The following ROCK2 variants were observed in gnomAD, a reference collection of about 807,000 sequenced individuals.
The protein encoded by ROCK2 is Rho associated coiled-coil containing protein kinase 2.
A neutral mutation model predicts 195.1 loss-of-function variants in ROCK2; 61 were observed. The observed-to-expected ratio is 0.31, with a 90% CI of 0.25 to 0.39. The LOEUF (loss-of-function observed/expected upper bound fraction) is 0.39, where lower values mean the gene tolerates loss of function less well. Ranked by LOEUF, ROCK2 falls within the 10% of genes least tolerant of loss-of-function variation. ROCK2 has a pLI of 1.00. For missense variants in ROCK2, 1,109 were observed against 1,637.4 expected, an observed-to-expected ratio of 0.68 and a Z score of 5.57; for synonymous variants, 504 against 545.5, an observed-to-expected ratio of 0.92 and a Z score of 1.06.
At chr2:11,330,772 AG>A (rs1668704059) in intron 1 of ROCK2, among the ~76,000 whole-genome samples, 2 of 52,106 alleles carry the variant, frequency 3.8e-5, no homozygotes, top group African/African-American at 7.3e-5. Context: ...GAGGAGGAGG[AG>A]GGAGGGAAGA....
chr2:11,333,973 C>A (rs1218660348), intron 1 of ROCK2, among the ~76,000 whole-genome samples: 2 of 152,126 alleles, frequency 1.3e-5, no homozygotes, highest in Non-Finnish European at 2.9e-5. Context: ...TAATTCTTTC[C>A]AAGACAAACT....
rs577559244 is a variant in ROCK2, at chr2:11,339,684, AAAG to A, written c.141+4309_141+4311del. On this transcript the variant is annotated intron_variant, in intron 1 of 32. Coordinates refer to ENST00000315872, the MANE Select transcript of ROCK2 (RefSeq NM_004850.5). ...TTTTCAGTAAATAAAGCAAGTCATA[AAAG>A]AATACATAAAAATGCTGACATTTTA... Among the ~76,000 whole-genome samples, 225 of 152,334 alleles carry A rather than the reference AAAG, an allele frequency of 1.5e-3. 1 individual carries two copies. Among genetic ancestry groups the A allele is most frequent in the Non-Finnish European group, 2.9e-3 (195 of 68,032 alleles).
intron 3 of ROCK2, among the ~76,000 whole-genome samples, chr2:11,273,949 C>T (rs1009589421): frequency 4.1e-5 from 6 of 146,470 alleles, no homozygotes; most frequent in Admixed American, 6.9e-5. Context: ...AAAAAGACTT[C>T]GATAAAATAA....
In ROCK2 at chr2:11,192,439, T is replaced by G; in HGVS notation, c.3949+12A>C. On this transcript the variant is annotated intron_variant, in intron 31 of 32. Transcript: ENST00000315872. This position sits in a 1 kb window ranked among gnomAD's most constrained non-coding sequence, Gnocchi z 5.0. The stretch of plus-strand genomic sequence containing the variant: ...TAACCAATATCGATGGAGCAAGTAA[T>G]TTATCATTTACCTTTGCAAGGTGCT... 1 of 1,612,560 alleles carries G rather than the reference T, an allele frequency of 6.2e-7. No homozygotes were observed. The highest frequency in any genetic ancestry group is 8.5e-7 in the Non-Finnish European group (1 of 1,179,110).
In ROCK2 at chr2:11,194,317, G is replaced by T. The variant is rs1490933675; in HGVS notation, c.3547C>A (p.Leu1183Ile). The change falls in exon 29 of 33, where the codon CTT becomes ATT. Residue 1183 changes from leucine to isoleucine, a missense_variant. Physicochemically the swap from Leu to Ile is conservative, Grantham distance 5. Transcript: ENST00000315872. Reference sequence around the variant, plus strand: ...TTATCTTGTTCACTGTCATAGAAAAGAATCTTCTTACTGCTTACAATCACA... The same window carrying T: ...TTATCTTGTTCACTGTCATAGAAAATAATCTTCTTACTGCTTACAATCACA... ...KYVIVSSKKI[L>I]FYDSEQDKEQ... 2.1e-6 allele frequency: 3 copies of T among 1,462,296 alleles called. No individual in the cohort carries two copies. The African/African-American group carries it at 4.2e-5, about 21-fold the overall frequency. The allele number at this position is 1,462,296 out of a possible 1,614,324, so 90.6% of individuals were successfully genotyped here. A position where few individuals can be genotyped will look rare whatever the true frequency, so the allele number is the denominator to read the frequency against.
chr2:11,231,663 TCTCA>T (rs1323490643), intron 5 of ROCK2, among the ~76,000 whole-genome samples: 14 of 152,104 alleles, frequency 9.2e-5, no homozygotes, highest in Non-Finnish European at 1.8e-4. Context: ...ACAATGTGAC[TCTCA>T]CTCACATTTA....
rs760442417 is a variant in ROCK2, at chr2:11,207,810, A to G, written c.2465T>C (p.Met822Thr). The change falls in exon 20 of 33, where the codon ATG becomes ACG. Residue 822 changes from methionine to threonine, a missense_variant. By Grantham distance (81) the Met-to-Thr change is moderately conservative. This residue lies in a region of ROCK2 where 542 missense variants were observed against 672.0 expected (regional missense o/e 0.81). Coordinates refer to ENST00000315872, the MANE Select transcript of ROCK2 (RefSeq NM_004850.5). ...TTCTTGCTTTAACTGCTTTTCTGAC[A>G]TTTTTAGTGTGTTAACCTGTTGTGT... ...MQTQQVNTLK[M>T]SEKQLKQENN... is the part of the protein sequence containing the mutation. 1 of 1,612,590 alleles carries G rather than the reference A, an allele frequency of 6.2e-7. No homozygotes were observed. The highest frequency in any genetic ancestry group is 8.5e-7 in the Non-Finnish European group (1 of 1,179,110).
At chr2:11,273,468 T>C (rs1666719403) in intron 3 of ROCK2, among the ~76,000 whole-genome samples, 1 of 152,108 alleles carries the variant, frequency 6.6e-6, no homozygotes, top group African/African-American at 2.4e-5. Flanking sequence ...ATTACAAACA[T>C]TTATAGACCT....
chr2:11,317,612 A>ATATATATTT (rs59701503), intron 1 of ROCK2, among the ~76,000 whole-genome samples: 4 of 19,308 alleles, frequency 2.1e-4, no homozygotes, highest in African/African-American at 4.8e-4. Flanking sequence ...ATATATATAT[A>ATATATATTT]TTTTTTTTTT....
At chr2:11,342,155 T>C (rs1228874359) in intron 1 of ROCK2, among the ~76,000 whole-genome samples, 1 of 152,228 alleles carries the variant, frequency 6.6e-6, no homozygotes. Context: ...GGACGCATTT[T>C]GGCTTGGAAA....
Position 11,222,177 on chromosome 2 carries a change from A to G in ROCK2, c.1008-3T>C, listed in dbSNP as rs1664659346. 6.4e-7 allele frequency: 1 copy of G among 1,552,386 alleles called. No individual in the cohort carries two copies. The highest frequency in any genetic ancestry group is 1.7e-4 in the Middle Eastern group (1 of 5,932). On this transcript the variant is annotated splice_polypyrimidine_tract_variant and splice_region_variant and intron_variant, in intron 7 of 32. Coordinates refer to ENST00000315872, the MANE Select transcript of ROCK2 (RefSeq NM_004850.5). ...CATTTCTCCCAAGTCGTACCTCCCT[A>G]AACAATGCAGTTAAAGATTGTATTA...
chr2:11,210,359 A>C (rs529595562), intron 18 of ROCK2, among the ~76,000 whole-genome samples: 1 of 151,238 alleles, frequency 6.6e-6, no homozygotes, highest in Admixed American at 6.6e-5. Context: ...TTGCTCTGCT[A>C]CTGAGGCTCA....
intron 17 of ROCK2, among the ~76,000 whole-genome samples, 178 bp from the exon 18 acceptor site, chr2:11,212,018 C>T (rs1194534629): frequency 6.6e-6 from 1 of 151,740 alleles, no homozygotes; most frequent in African/African-American, 2.4e-5. Context: ...GCAATCCTCC[C>T]ACCTTGGCCT....
chr2:11,204,210 C>T (rs963161947), intron 20 of ROCK2, among the ~76,000 whole-genome samples: 1 of 152,096 alleles, frequency 6.6e-6, no homozygotes, highest in Non-Finnish European at 1.5e-5. Context: ...TTTGCCCATT[C>T]CCTGTTGTCA....
chr2:11,244,101 T>C (rs1343772692), intron 4 of ROCK2, among the ~76,000 whole-genome samples: 3 of 152,186 alleles, frequency 2.0e-5, no homozygotes, highest in African/African-American at 7.2e-5. Flanking sequence ...GAAACACTAA[T>C]TGTGGACCCC....
intron 6 of ROCK2, 60 bp from the exon 7 acceptor site, chr2:11,224,520 A>T (rs1419828410): frequency 8.3e-6 from 12 of 1,450,320 alleles, no homozygotes; most frequent in African/African-American, 1.4e-5. Flanking sequence ...AACACTTTTC[A>T]CCTAGTACTT....
At chr2:11,246,930 T>C (rs1243639941) in intron 4 of ROCK2, among the ~76,000 whole-genome samples, 1 of 152,172 alleles carries the variant, frequency 6.6e-6, no homozygotes, top group Non-Finnish European at 1.5e-5. Context: ...CATTATTCAT[T>C]ATAGTCAAAA....
chr2:11,210,280 C>T (rs1467910378), intron 18 of ROCK2, among the ~76,000 whole-genome samples: 1 of 150,618 alleles, frequency 6.6e-6, no homozygotes, highest in East Asian at 1.9e-4. Flanking sequence ...ATAATGTAGG[C>T]ATTGAGAATA....
intron 1 of ROCK2, among the ~76,000 whole-genome samples, chr2:11,340,442 C>G (rs986308410): frequency 6.6e-6 from 1 of 152,028 alleles, no homozygotes; most frequent in African/African-American, 2.4e-5. Flanking sequence ...CCACACATCA[C>G]CTTTTTTTTA....
Sources: allele counts gnomAD v4.1 joint callset (sites outside exome capture counted in the v4.1 genomes callset), GRCh38; gene constraint gnomAD v4.1.1; regional missense constraint gnomAD v4.1.1; non-coding constraint Gnocchi (gnomAD v3.1); transcripts MANE v1.5; gene names NCBI Gene and HGNC (gene_info 2026-07-23, HGNC 2026-07-21).